FTO: variants seen among roughly 807,000 people sequenced by gnomAD.
FTO encodes the protein FTO alpha-ketoglutarate dependent dioxygenase, also known as alpha-ketoglutarate-dependent dioxygenase FTO.
Under a neutral mutation model 63.9 loss-of-function variants are expected in FTO, and 47 were observed. The ratio of observed to expected loss-of-function variants is 0.74; its 90% CI spans 0.58 to 0.94. The LOEUF is 0.94. Among genes scored for constraint, FTO ranks in the 40% least tolerant of loss-of-function variants. The pLI is 0.00. For synonymous variants in FTO, 207 were observed against 224.4 expected, an observed-to-expected ratio of 0.92 and a Z score of 0.69; for missense variants, 562 against 618.1, an observed-to-expected ratio of 0.91 and a Z score of 0.96.
chr16:54,066,599 C>G lies in FTO; in HGVS notation c.1365-45163C>G, dbSNP rs1225089904. Among the ~76,000 whole-genome samples, 19 of 152,228 alleles carry G rather than the reference C, an allele frequency of 1.2e-4. 1 individual carries two copies. Among genetic ancestry groups the G allele is most frequent in the Non-Finnish European group, 2.9e-5 (2 of 68,042 alleles). Reference sequence around the variant, plus strand: ...GTGTGCCCTACACCCAGCGCATGTGCTCACCAGCCCATTGGTATTGAAGGT... The same window carrying G: ...GTGTGCCCTACACCCAGCGCATGTGGTCACCAGCCCATTGGTATTGAAGGT... On this transcript the variant is annotated intron_variant, in intron 8 of 8. Coordinates refer to ENST00000471389, the MANE Select transcript of FTO (RefSeq NM_001080432.3).
intron 2 of FTO, among the ~76,000 whole-genome samples, chr16:53,815,636 GTTTTTTTTT>G (rs556357629): frequency 1.0e-4 from 10 of 98,164 alleles, no homozygotes; most frequent in African/African-American, 5.4e-4. Context: ...TGACTTTCTT[GTTTTTTTTT>G]TTTTTTTTTT....
intron 1 of FTO, among the ~76,000 whole-genome samples, chr16:53,804,291 T>C (rs998136203): frequency 6.6e-6 from 1 of 152,228 alleles, no homozygotes; most frequent in Non-Finnish European, 1.5e-5. Context: ...GCATAGTTTA[T>C]AGTTTGCAAA....
At chr16:54,067,779 T>A (rs1234621485) in intron 8 of FTO, among the ~76,000 whole-genome samples, 1 of 152,228 alleles carries the variant, frequency 6.6e-6, no homozygotes, top group Admixed American at 6.5e-5. Flanking sequence ...TCTTTGCTGG[T>A]TTATTTGTAT....
intron 8 of FTO, chr16:53,992,324 C>G (rs555764866): frequency 6.6e-6 from 1 of 152,276 alleles, no homozygotes; most frequent in South Asian, 2.1e-4. Context: ...GCCTCTTTGC[C>G]ACCCCGCTCC....
intron 8 of FTO, among the ~76,000 whole-genome samples, chr16:54,074,520 A>G (rs1388455895): frequency 6.6e-6 from 1 of 152,178 alleles, no homozygotes; most frequent in Non-Finnish European, 1.5e-5. Context: ...TTACTATATC[A>G]TAAGCAGGTT....
intron 1 of FTO, among the ~76,000 whole-genome samples, chr16:53,739,682 G>A (rs1567944911): frequency 1.3e-5 from 2 of 151,980 alleles, no homozygotes; most frequent in Non-Finnish European, 2.9e-5. Flanking sequence ...TTTGATGTTG[G>A]AGATCATATT....
At chr16:53,784,926 G>A (rs1369723998) in intron 1 of FTO, among the ~76,000 whole-genome samples, 2 of 152,108 alleles carry the variant, frequency 1.3e-5, no homozygotes, top group Non-Finnish European at 1.5e-5. Flanking sequence ...AAAGTGAGGA[G>A]GGGTTGTGAT....
At chr16:53,908,471 G>C (rs1377795227) in intron 7 of FTO, among the ~76,000 whole-genome samples, 2 of 152,168 alleles carry the variant, frequency 1.3e-5, no homozygotes, top group African/African-American at 2.4e-5. Context: ...GGTTCCTGGG[G>C]GTCGGCACAT....
At chr16:53,987,316 C>T (rs1186521760) in intron 8 of FTO, among the ~76,000 whole-genome samples, 1 of 152,030 alleles carries the variant, frequency 6.6e-6, no homozygotes, top group Non-Finnish European at 1.5e-5. Flanking sequence ...CGCGGTGGCT[C>T]ACGCCTGTAA....
intron 1 of FTO, among the ~76,000 whole-genome samples, chr16:53,768,639 C>T (rs2151625574): frequency 6.6e-6 from 1 of 152,264 alleles, no homozygotes; most frequent in Non-Finnish European, 1.5e-5. Context: ...GAAATGGCCT[C>T]TGTTTAGCTT....
chr16:53,910,353 G>A lies in FTO; in HGVS notation c.1239+21402G>A, dbSNP rs1264505830. 2.0e-5 allele frequency among the ~76,000 whole-genome samples: 3 copies of A among 152,188 alleles called. No individual in the cohort carries two copies. The East Asian group carries it at 5.8e-4, about 29-fold the overall frequency. Reference sequence around the variant, plus strand: ...GTTGGAGCTGGATTCAAAGATTTTTGAGTAGGAAAGTGATCCAATCGACCC... The same window carrying A: ...GTTGGAGCTGGATTCAAAGATTTTTAAGTAGGAAAGTGATCCAATCGACCC... On this transcript the variant is annotated intron_variant, in intron 7 of 8. Coordinates refer to ENST00000471389, the MANE Select transcript of FTO (RefSeq NM_001080432.3).
intron 8 of FTO, among the ~76,000 whole-genome samples, chr16:54,109,930 G>A (rs576875368): frequency 7.9e-5 from 12 of 152,104 alleles, no homozygotes; most frequent in Non-Finnish European, 1.6e-4. Context: ...TCCACTGTGA[G>A]ATTGAAATGC....
At chr16:53,799,530 G>C (rs1272412690) in intron 1 of FTO, among the ~76,000 whole-genome samples, 2 of 152,126 alleles carry the variant, frequency 1.3e-5, no homozygotes, top group African/African-American at 2.4e-5. Flanking sequence ...GGCAAACTCA[G>C]GGAGAGGAAG....
chr16:53,844,432 A>G (rs1463992364), intron 4 of FTO, 134 bp downstream of exon 4: 1 of 732,502 alleles, frequency 1.4e-6, no homozygotes, highest in African/African-American at 1.8e-5. Context: ...TCTTTATAAG[A>G]ACATGTAACT....
Position 53,810,201 on chromosome 16 carries a change from A to G in FTO, c.107A>G (p.Asp36Gly). The stretch of plus-strand genomic sequence containing the variant: ...CTCCCTTATCTGACCCCCAAAGATG[A>G]TGAATTCTATCAGCAGGTAAGGTAT... ...TWLPYLTPKD[D>G]EFYQQWQLKY... Residue 36 changes from aspartate to glycine, a missense_variant, in exon 2 of 9, where the codon GAT becomes GGT. By Grantham distance (94) the Asp-to-Gly change is moderately conservative. Transcript: ENST00000471389. The G allele has an allele frequency of 6.2e-7, 1 of 1,604,684 alleles. No individual in the cohort carries two copies. The highest frequency in any genetic ancestry group is 8.5e-7 in the Non-Finnish European group (1 of 1,171,894).
chr16:53,826,035 A>G lies in FTO; in HGVS notation c.295A>G (p.Ile99Val), dbSNP rs775904851. The G allele has an allele frequency of 7.4e-6, 12 of 1,614,096 alleles. No homozygotes were observed. The East Asian group carries it at 2.2e-4, about 30-fold the overall frequency. ...GCTCACTCCGGTATCTCGCATCCTC[A>G]TTGGTAATCCAGGCTGCACCTACAA... is the stretch of plus-strand genomic sequence containing the variant. ...DLLTPVSRIL[I>V]GNPGCTYKYL... Residue 99 changes from isoleucine to valine, a missense_variant, in exon 3 of 9, where the codon ATT (isoleucine) becomes GTT (valine). Coordinates refer to ENST00000471389, the MANE Select transcript of FTO (RefSeq NM_001080432.3).
chr16:53,771,276 C>T (rs994121760), intron 1 of FTO, among the ~76,000 whole-genome samples: 6 of 152,146 alleles, frequency 3.9e-5, no homozygotes, highest in African/African-American at 1.4e-4. Flanking sequence ...GTTGTTCAGA[C>T]CAAAAACCCT....
chr16:53,813,580 A>T (rs1157970633), intron 2 of FTO, among the ~76,000 whole-genome samples: 1 of 152,224 alleles, frequency 6.6e-6, no homozygotes, highest in Non-Finnish European at 1.5e-5. Flanking sequence ...CTTCTCTTAA[A>T]AGATGAAGTG....
rs529842483 is a variant in FTO, at chr16:54,090,296, G to C, written c.1365-21466G>C. On this transcript the variant is annotated intron_variant, in intron 8 of 8. Coordinates refer to ENST00000471389, the MANE Select transcript of FTO (RefSeq NM_001080432.3). ...AAGCCAAACACAAAGGACAAATATT[G>C]TATGATTTAACTTACATAGAATATC... Among the ~76,000 whole-genome samples, 56 of 152,274 alleles carry C rather than the reference G, an allele frequency of 3.7e-4. No homozygotes were observed. In the South Asian group the frequency reaches 3.9e-3, roughly 11 times the overall value.
Sources: gnomAD v4.1 joint callset for allele counts (sites outside exome capture counted in the v4.1 genomes callset) on GRCh38, gnomAD v4.1.1 for gene constraint, MANE v1.5 for transcripts, NCBI Gene and HGNC (gene_info 2026-07-23, HGNC 2026-07-21) for gene names.